TF: variants seen among roughly 807,000 people sequenced by gnomAD.
TF encodes the protein transferrin, also known as serotransferrin.
A neutral mutation model predicts 82.4 loss-of-function variants in TF; 55 were observed. The observed-to-expected ratio is 0.67, with a 90% CI of 0.54 to 0.84. The LOEUF is 0.84. Among genes scored for constraint, TF ranks in the 40% least tolerant of loss-of-function variants. The pLI is 0.00. For synonymous variants in TF, 332 were observed against 332.6 expected (o/e 1.00, Z 0.02); for missense variants, 737 against 868.4 (o/e 0.85, Z 1.90).
At chr3:133,756,362 A>G (rs544308083) in intron 6 of TF, 25 bp downstream of exon 6, 8 of 1,613,024 alleles carry the variant, frequency 5.0e-6, no homozygotes, top group Middle Eastern at 1.7e-4. Flanking sequence ...AGAATCCACC[A>G]GGGCCACTCC....
the TF span, among the ~76,000 whole-genome samples, chr3:133,719,021 T>C: frequency 6.6e-6 from 1 of 152,194 alleles, no homozygotes; most frequent in Non-Finnish European, 1.5e-5. Context: ...TCCTGACAAT[T>C]GCTAGCCATT....
intron 2 of TF, among the ~76,000 whole-genome samples, chr3:133,749,090 G>A (rs1399107706): frequency 1.3e-5 from 2 of 152,160 alleles, no homozygotes; most frequent in African/African-American, 4.8e-5. Flanking sequence ...GAACCGGGGA[G>A]GCAGAGGTTG....
chr3:133,750,028 C>G (rs568312488), intron 2 of TF, among the ~76,000 whole-genome samples: 1 of 152,324 alleles, frequency 6.6e-6, no homozygotes, highest in East Asian at 1.9e-4. Flanking sequence ...GACAGACACT[C>G]TATCCATCCT....
the TF span, among the ~76,000 whole-genome samples, chr3:133,716,937 T>A: frequency 6.6e-6 from 1 of 152,186 alleles, no homozygotes; most frequent in Non-Finnish European, 1.5e-5. Flanking sequence ...CCATCTGGAG[T>A]GCTTGTCTTC....
At chr3:133,768,295 A>C in intron 13 of TF, 131 bp downstream of exon 13, 1 of 1,301,936 alleles carries the variant, frequency 7.7e-7, no homozygotes, top group Non-Finnish European at 1.1e-6. Context: ...ATATTTCACA[A>C]CCAGATATAG....
At chr3:133,681,304 C>T in the TF span, among the ~76,000 whole-genome samples, 1 of 152,212 alleles carries the variant, frequency 6.6e-6, no homozygotes, top group Non-Finnish European at 1.5e-5. Context: ...TTCTGCATTT[C>T]CAACTGAGGT....
intron 2 of TF, among the ~76,000 whole-genome samples, chr3:133,750,494 C>G (rs1456543283): frequency 6.6e-6 from 1 of 152,130 alleles, no homozygotes; most frequent in Non-Finnish European, 1.5e-5. Context: ...TGGCTTCCCT[C>G]CAGCCTTCTC....
At chr3:133,734,461 T>C in the TF span, among the ~76,000 whole-genome samples, 103 of 152,302 alleles carry the variant, frequency 6.8e-4, no homozygotes, top group African/African-American at 2.4e-3. Context: ...ATGCCTCCAA[T>C]TGGCCACATG....
chr3:133,730,557 G>A, the TF span, among the ~76,000 whole-genome samples: 1 of 152,210 alleles, frequency 6.6e-6, no homozygotes, highest in African/African-American at 2.4e-5. Context: ...TGGTCCAACA[G>A]GGGTCTTTCA....
At chr3:133,734,792 G>GGA in the TF span, among the ~76,000 whole-genome samples, 8 of 107,852 alleles carry the variant, frequency 7.4e-5, no homozygotes, top group Non-Finnish European at 1.5e-4. Context: ...AAACCCAAAT[G>GGA]GAGAGTTTCT....
At position 133,787,044 on chromosome 3, in the gene TF, A is replaced by T. The variant is rs759716079; in HGVS notation, c.*8424A>T. On this transcript the variant is annotated 3_prime_UTR_variant, in exon 17 of 17. Transcript: ENST00000402696. ...AGAAATGGGAGGGAAGAAATTGCCAAAGGTAATATGCTAGTGTGTTCATAC... is the reference window on the plus strand; with the variant it reads ...AGAAATGGGAGGGAAGAAATTGCCATAGGTAATATGCTAGTGTGTTCATAC... 1.3e-5 allele frequency: 2 copies of T among 152,244 alleles called. No homozygotes were observed. The highest frequency in any genetic ancestry group is 2.9e-5 in the Non-Finnish European group (2 of 68,062). 9.4% of individuals were successfully genotyped at this position (152,244 alleles called of 1,614,324 possible).
intron 4 of TF, 68 bp downstream of exon 4, chr3:133,754,739 C>G: frequency 2.0e-6 from 3 of 1,531,976 alleles, no homozygotes; most frequent in Middle Eastern, 4.0e-4. Context: ...ACAGGCTGCA[C>G]TAGACAGTCA....
the TF span, among the ~76,000 whole-genome samples, chr3:133,715,481 C>A: frequency 6.6e-6 from 1 of 152,110 alleles, no homozygotes; most frequent in African/African-American, 2.4e-5. Context: ...AGCATCAAAT[C>A]TTCTTCTCTA....
At chr3:133,720,777 A>G in the TF span, among the ~76,000 whole-genome samples, 4 of 152,026 alleles carry the variant, frequency 2.6e-5, no homozygotes, top group African/African-American at 9.7e-5. Flanking sequence ...TTTCTCACTT[A>G]TTACTGGTCT....
At position 133,784,679 on chromosome 3, in the gene TF, T is replaced by C. The variant is rs922316564; in HGVS notation, c.*6059T>C. On this transcript the variant is annotated 3_prime_UTR_variant, in exon 17 of 17. Coordinates refer to ENST00000402696, the MANE Select transcript of TF (RefSeq NM_001063.4). ...ATGAGACTCTAATAATGCCTGATGATCTGAGGTGGAACAGTTTCATCCTGA... is the reference window on the plus strand; with the variant it reads ...ATGAGACTCTAATAATGCCTGATGACCTGAGGTGGAACAGTTTCATCCTGA... The C allele has an allele frequency of 6.6e-6, 1 of 151,982 alleles. No individual in the cohort carries two copies. Among genetic ancestry groups the C allele is most frequent in the Non-Finnish European group, 1.5e-5 (1 of 68,026 alleles). The allele number at this position is 151,982 out of a possible 1,614,324, so 9.4% of individuals were successfully genotyped here. A position where few individuals can be genotyped will look rare whatever the true frequency, so the allele number is the denominator to read the frequency against.
chr3:133,733,830 TTTCTCTTGTTTCCA>T, the TF span, among the ~76,000 whole-genome samples: 1 of 151,390 alleles, frequency 6.6e-6, no homozygotes, highest in Non-Finnish European at 1.5e-5. Flanking sequence ...TTTCCCTGCC[TTTCTCTTGTTTCCA>T]TTTTCTTTCC....
In TF at chr3:133,789,839, A is replaced by G. The variant is rs1455584262; in HGVS notation, c.*11219A>G. Reference sequence around the variant, plus strand: ...GTTAGGGTTTGGCATAGAAGGTTATAAAACTATAAACCCAGCCAAAACAAA... The same window carrying G: ...GTTAGGGTTTGGCATAGAAGGTTATGAAACTATAAACCCAGCCAAAACAAA... On this transcript the variant is annotated 3_prime_UTR_variant, in exon 17 of 17. Coordinates refer to ENST00000402696, the MANE Select transcript of TF (RefSeq NM_001063.4). The G allele has an allele frequency of 1.3e-5, 2 of 150,198 alleles. No homozygotes were observed. The highest frequency in any genetic ancestry group is 4.9e-5 in the African/African-American group (2 of 40,740). The allele number at this position is 150,198 out of a possible 1,614,324, so 9.3% of individuals were successfully genotyped here.
the TF span, among the ~76,000 whole-genome samples, chr3:133,726,506 C>A: frequency 6.6e-6 from 1 of 151,870 alleles, no homozygotes; most frequent in Non-Finnish European, 1.5e-5. Flanking sequence ...TGGTGATATC[C>A]CCTTTATCAT....
At chr3:133,737,495 C>CA in the TF span, among the ~76,000 whole-genome samples, 30,967 of 149,370 alleles carry the variant, frequency 0.21, 3,232 homozygotes, top group East Asian at 0.29. Context: ...TAGAGACACA[C>CA]AAAAAAAAAC....
Sources: gnomAD v4.1 joint callset for allele counts (sites outside exome capture counted in the v4.1 genomes callset) on GRCh38, gnomAD v4.1.1 for gene constraint, MANE v1.5 for transcripts, NCBI Gene and HGNC (gene_info 2026-07-23, HGNC 2026-07-21) for gene names.